EMILIN2: variants seen among roughly 807,000 people sequenced by gnomAD.
The protein encoded by EMILIN2 is EMILIN-2.
In EMILIN2, 71 loss-of-function variants were observed where a neutral mutation model predicts 87.1. The ratio of observed to expected loss-of-function variants is 0.82; its 90% CI spans 0.67 to 0.99. The LOEUF (loss-of-function observed/expected upper bound fraction) is 0.99. EMILIN2 is among the 50% of genes least tolerant of loss of function. The pLI is 0.00. For synonymous variants in EMILIN2, 581 were observed against 563.4 expected (o/e 1.03, Z -0.44); for missense variants, 1,407 against 1,371.8 (o/e 1.03, Z -0.40).
At chr18:2,846,621 C>G (rs1191669777), upstream of EMILIN2, among the ~76,000 whole-genome samples, 1 of 152,236 alleles carries the variant, frequency 6.6e-6, no homozygotes, top group South Asian at 2.1e-4. This position sits in a 1 kb window ranked among gnomAD's most constrained non-coding sequence, Gnocchi z 5.3. Context: ...CTCCTCTCCC[C>G]GCGGGACTGA....
intron 4 of EMILIN2, chr18:2,906,083 CG>C (rs2076910533): frequency 6.6e-6 from 1 of 152,300 alleles, no homozygotes; most frequent in Non-Finnish European, 1.5e-5. Context: ...TCTTGGCGAG[CG>C]GGTCCCTCAG....
chr18:2,869,744 C>G (rs941913194), intron 2 of EMILIN2, among the ~76,000 whole-genome samples: 8 of 150,202 alleles, frequency 5.3e-5, no homozygotes, highest in African/African-American at 1.7e-4. Context: ...TAGTTGATTA[C>G]TTTTTGTTGT....
rs747420821 is a variant in EMILIN2, at chr18:2,908,956, A to G, written c.2676A>G (p.Ser892=). 1.2e-6 allele frequency: 2 copies of G among 1,613,270 alleles called. No homozygotes were observed. The highest frequency in any genetic ancestry group is 1.1e-5 in the South Asian group (1 of 91,040). Residue 892 remains serine, a synonymous_variant, in exon 6 of 8, where the codon TCA becomes TCG. Coordinates refer to ENST00000254528, the MANE Select transcript of EMILIN2 (RefSeq NM_032048.3). ...GFAGAPGYPK[S]PPVASPGAPV... ...TCTGTTTTTCAGGATACCCGAAGTC[A>G]CCTCCTGTAGCTTCCCCAGGTATGT...
chr18:2,883,450 C>G (rs527600893), intron 2 of EMILIN2, among the ~76,000 whole-genome samples: 89 of 152,292 alleles, frequency 5.8e-4, no homozygotes, highest in African/African-American at 2.1e-3. Flanking sequence ...GCTGCTGGTG[C>G]TGGTGTAAGA....
chr18:2,868,955 G>T (rs2076705274), intron 2 of EMILIN2, among the ~76,000 whole-genome samples: 1 of 146,106 alleles, frequency 6.8e-6, no homozygotes, highest in African/African-American at 2.5e-5. Context: ...TTTGAAGGGA[G>T]TTTTTTTTTT....
chr18:2,895,555 G>T (rs940733136), intron 4 of EMILIN2, among the ~76,000 whole-genome samples: 1 of 152,144 alleles, frequency 6.6e-6, no homozygotes, highest in Admixed American at 6.5e-5. Context: ...AGCTTGAGTC[G>T]CCCACTCAGC....
intron 2 of EMILIN2, among the ~76,000 whole-genome samples, chr18:2,850,032 C>G (rs1033723431): frequency 6.6e-6 from 1 of 151,274 alleles, no homozygotes; most frequent in Admixed American, 6.6e-5. Context: ...GTTCAAGCAA[C>G]TCTCATTCCT....
upstream of EMILIN2, among the ~76,000 whole-genome samples, chr18:2,846,392 C>T (rs77027973): frequency 7.9e-3 from 1,198 of 152,316 alleles, 18 homozygotes; most frequent in African/African-American, 0.026. The surrounding 1 kb of genome is among the most constrained non-coding windows in gnomAD (Gnocchi z 5.3). Context: ...GTGATAGAGC[C>T]GGACGCTGAG....
Position 2,890,221 on chromosome 18 carries a change from G to T in EMILIN2, c.434-340G>T, listed in dbSNP as rs2144035747. ...CGGATAATGAATATTTCCCCTCAGG[G>T]TGAAAGAGACCATTGATTATCTAAT... On this transcript the variant is annotated intron_variant, in intron 3 of 7. Transcript: ENST00000254528. This position sits in a 1 kb window ranked among gnomAD's most constrained non-coding sequence, Gnocchi z 4.7. Among the ~76,000 whole-genome samples, 1 of 152,274 alleles carries T rather than the reference G, an allele frequency of 6.6e-6. No homozygotes were observed. The highest frequency in any genetic ancestry group is 6.5e-5 in the Admixed American group (1 of 15,294).
intron 2 of EMILIN2, among the ~76,000 whole-genome samples, chr18:2,881,543 G>C (rs567140291): frequency 6.6e-6 from 1 of 152,328 alleles, no homozygotes; most frequent in Admixed American, 6.5e-5. Flanking sequence ...CTTCCGCTCT[G>C]GGGCATGACA....
At position 2,891,380 on chromosome 18, in the gene EMILIN2, G is replaced by C. The variant is rs1296612246; in HGVS notation, c.1253G>C (p.Arg418Thr). 1 of 1,614,112 alleles carries C rather than the reference G, an allele frequency of 6.2e-7. No homozygotes were observed. The highest frequency in any genetic ancestry group is 8.5e-7 in the Non-Finnish European group (1 of 1,180,056). Residue 418 changes from arginine (R) to threonine (T), a missense_variant, in exon 4 of 8, where the codon AGA (arginine) becomes ACA (threonine). Transcript: ENST00000254528. This position sits in a 1 kb window ranked among gnomAD's most constrained non-coding sequence, Gnocchi z 4.6. ...QIKTLDQKIE[R>T]VAEATRMLNG... ...AAGACATTGGACCAGAAAATCGAGA[G>C]AGTTGCTGAAGCCACCAGAATGCTG...
chr18:2,895,809 T>G (rs944913154), intron 4 of EMILIN2, among the ~76,000 whole-genome samples: 5 of 152,304 alleles, frequency 3.3e-5, no homozygotes, highest in Middle Eastern at 3.4e-3. Flanking sequence ...GCAGGTCTGC[T>G]CTTGAAGGGT....
intron 4 of EMILIN2, among the ~76,000 whole-genome samples, chr18:2,900,094 TAAC>T (rs1290347267): frequency 6.6e-6 from 1 of 151,868 alleles, no homozygotes; most frequent in African/African-American, 2.4e-5. Context: ...CCTTCTGCCT[TAAC>T]AACCAACACA....
At chr18:2,867,922 G>C (rs2076695334) in intron 2 of EMILIN2, among the ~76,000 whole-genome samples, 1 of 151,766 alleles carries the variant, frequency 6.6e-6, no homozygotes, top group Non-Finnish European at 1.5e-5. Flanking sequence ...TCCCAGTAGG[G>C]GCGGCCGGGC....
rs761197063 is a variant in EMILIN2, at chr18:2,914,166, C to T, written c.*762C>T. On this transcript the variant is annotated 3_prime_UTR_variant, in exon 8 of 8. Transcript: ENST00000254528. ...AAATGTTTTGTTTCAAAAAGGGCTA[C>T]AGAAAGTAACCTTGAGTAAAATTAA... 1.3e-5 allele frequency: 2 copies of T among 152,560 alleles called. No individual in the cohort carries two copies. The highest frequency in any genetic ancestry group is 2.9e-5 in the Non-Finnish European group (2 of 68,048). 9.5% of individuals were successfully genotyped at this position (152,560 alleles called of 1,614,324 possible).
chr18:2,894,796 CTAGGAGACCTGGAACCTGAGTA>C lies in EMILIN2; in HGVS notation c.2359+2312_2359+2333del, dbSNP rs2076855865. On this transcript the variant is annotated intron_variant, in intron 4 of 7. Coordinates refer to ENST00000254528, the MANE Select transcript of EMILIN2 (RefSeq NM_032048.3). The surrounding 1 kb of genome is among the most constrained non-coding windows in gnomAD (Gnocchi z 5.0). ...CTCTGCCCTTGTCTAGCATCCAGGT[CTAGGAGACCTGGAACCTGAGTA>C]TCAGAGGTGCATGGGAGAATCTGGA... is the stretch of plus-strand genomic sequence containing the variant. Among the ~76,000 whole-genome samples, 1 of 152,220 alleles carries C rather than the reference CTAGGAGACCTGGAACCTGAGTA, an allele frequency of 6.6e-6. No individual in the cohort carries two copies. Among genetic ancestry groups the C allele is most frequent in the Admixed American group, 6.5e-5 (1 of 15,308 alleles).
In EMILIN2 at chr18:2,909,710, GGT is replaced by G; in HGVS notation, c.2718_2719del (p.Ser907PhefsTer13). 6.2e-7 allele frequency: 1 copy of G among 1,614,026 alleles called. No homozygotes were observed. Among genetic ancestry groups the G allele is most frequent in the Non-Finnish European group, 8.5e-7 (1 of 1,179,936 alleles). ...CTCCAGGAGCTCCGGTGCCTTCTCT[GGT>G]GTCTTTTTCTGCGGGGCTCACCCAG... ...ASPGAPVPSL[V>X]SFSAGLTQKP... On this transcript the variant is annotated frameshift_variant, in exon 7 of 8. Coordinates refer to ENST00000254528, the MANE Select transcript of EMILIN2 (RefSeq NM_032048.3). LOFTEE classifies it high-confidence loss of function.
chr18:2,909,913 G>C (rs537460638), intron 7 of EMILIN2, 94 bp downstream of exon 7: 6 of 1,545,450 alleles, frequency 3.9e-6, no homozygotes, highest in African/African-American at 1.4e-5. Flanking sequence ...CCAGCGTCCC[G>C]TGGGCTCAGG....
intron 4 of EMILIN2, among the ~76,000 whole-genome samples, chr18:2,896,865 A>G (rs1214297911): frequency 1.3e-5 from 2 of 150,462 alleles, no homozygotes; most frequent in Non-Finnish European, 3.0e-5. Flanking sequence ...GTCTGGGCAC[A>G]GTGGCTTACG....
Sources: allele counts gnomAD v4.1 joint callset (sites outside exome capture counted in the v4.1 genomes callset), GRCh38; gene constraint gnomAD v4.1.1; non-coding constraint Gnocchi (gnomAD v3.1); transcripts MANE v1.5; gene names NCBI Gene and HGNC (gene_info 2026-07-23, HGNC 2026-07-21).